TRAF3: variants seen among roughly 807,000 people sequenced by gnomAD.
TRAF3 encodes TNF receptor associated factor 3.
TRAF3 carries 13 observed loss-of-function variants against 62.3 expected under a neutral mutation model. The observed-to-expected ratio is 0.21, with a 90% CI of 0.14 to 0.33. The LOEUF is 0.33. Among genes scored for constraint, TRAF3 ranks in the 10% least tolerant of loss-of-function variants. The pLI is 1.00. For synonymous variants in TRAF3, 269 were observed against 283.4 expected (o/e 0.95, Z 0.51); for missense variants, 440 against 741.8 (o/e 0.59, Z 4.73).
chr14:102,895,983 T>C lies in TRAF3; in HGVS notation c.820-1278T>C, dbSNP rs149549983. On this transcript the variant is annotated intron_variant, in intron 9 of 11. Coordinates refer to ENST00000392745, the MANE Select transcript of TRAF3 (RefSeq NM_145725.3). ...TTTTTGTATTCTCGTCACGCTCTCA[T>C]TATGTTGGCAGAGCTGTTCAAACTG... Among the ~76,000 whole-genome samples, 597 of 152,224 alleles carry C rather than the reference T, an allele frequency of 3.9e-3. 7 individuals carry two copies. The highest frequency in any genetic ancestry group is 0.013 in the African/African-American group (556 of 41,524).
intron 2 of TRAF3, among the ~76,000 whole-genome samples, chr14:102,858,265 C>T (rs1448463817): frequency 1.3e-5 from 2 of 152,112 alleles, no homozygotes; most frequent in Non-Finnish European, 2.9e-5. Flanking sequence ...GATTCTCCTG[C>T]CTCAGCCTCC....
chr14:102,909,825 G>A lies in TRAF3; in HGVS notation c.*4041G>A, dbSNP rs1276714590. Reference sequence around the variant, plus strand: ...TCCCATGGATGTCGACCATGCCAACGTCACATTCCAGCACCCCTTTTGCTT... The same window carrying A: ...TCCCATGGATGTCGACCATGCCAACATCACATTCCAGCACCCCTTTTGCTT... On this transcript the variant is annotated 3_prime_UTR_variant, in exon 12 of 12. Transcript: ENST00000392745. 3 of 152,370 alleles carry A rather than the reference G, an allele frequency of 2.0e-5. No individual in the cohort carries two copies. Among genetic ancestry groups the A allele is most frequent in the South Asian group, 2.1e-4 (1 of 4,830 alleles). 9.4% of individuals were successfully genotyped at this position (152,370 alleles called of 1,614,324 possible). A position where few individuals can be genotyped will look rare whatever the true frequency, so the allele number is the denominator to read the frequency against.
chr14:102,886,352 C>T, intron 7 of TRAF3, 83 bp downstream of exon 7: 1 of 1,238,120 alleles, frequency 8.1e-7, no homozygotes, highest in Non-Finnish European at 1.1e-6. Flanking sequence ...TAGCCGAAGC[C>T]TCACGTTTTC....
At chr14:102,876,913 C>CG (rs1225350092) in intron 6 of TRAF3, among the ~76,000 whole-genome samples, 9 of 147,144 alleles carry the variant, frequency 6.1e-5, no homozygotes, top group Admixed American at 1.4e-4. Context: ...ACAGGCCTTC[C>CG]CTCAACTCAT....
chr14:102,844,811 C>T (rs1420242044), intron 2 of TRAF3, among the ~76,000 whole-genome samples: 2 of 150,824 alleles, frequency 1.3e-5, no homozygotes, highest in Admixed American at 6.6e-5. Flanking sequence ...GAGGCTGAGG[C>T]GGGAGGGTTG....
intron 2 of TRAF3, among the ~76,000 whole-genome samples, chr14:102,869,378 A>G (rs995199562): frequency 2.0e-5 from 3 of 152,226 alleles, no homozygotes; most frequent in African/African-American, 4.8e-5. Context: ...GCGGAAGTCA[A>G]TGAGGAAGGA....
At chr14:102,829,027 C>T (rs1028250226) in intron 1 of TRAF3, among the ~76,000 whole-genome samples, 15 of 152,120 alleles carry the variant, frequency 9.9e-5, no homozygotes, top group Admixed American at 9.2e-4. Flanking sequence ...GTGTGGAGCT[C>T]TGTGTTTATC....
chr14:102,877,074 C>T (rs1888716314), intron 6 of TRAF3, among the ~76,000 whole-genome samples: 1 of 150,640 alleles, frequency 6.6e-6, no homozygotes, highest in Non-Finnish European at 1.5e-5. Flanking sequence ...CATAGATAAT[C>T]CGTTCCACAG....
At chr14:102,804,283 G>C (rs1321777835) in intron 1 of TRAF3, among the ~76,000 whole-genome samples, 2 of 152,068 alleles carry the variant, frequency 1.3e-5, no homozygotes, top group Non-Finnish European at 2.9e-5. Flanking sequence ...ACAATCTTCA[G>C]TTCTCTGGAG....
chr14:102,812,738 T>A (rs1899267640), intron 1 of TRAF3, among the ~76,000 whole-genome samples: 1 of 149,766 alleles, frequency 6.7e-6, no homozygotes, highest in South Asian at 2.1e-4. Context: ...GCTAACACGG[T>A]GAAACCCTGT....
chr14:102,859,386 G>C (rs904761575), intron 2 of TRAF3, among the ~76,000 whole-genome samples: 1 of 152,180 alleles, frequency 6.6e-6, no homozygotes, highest in African/African-American at 2.4e-5. Flanking sequence ...TAGGTATGGA[G>C]CCTAGGACAC....
At chr14:102,825,308 C>T (rs947755990) in intron 1 of TRAF3, among the ~76,000 whole-genome samples, 4 of 152,220 alleles carry the variant, frequency 2.6e-5, no homozygotes, top group Admixed American at 2.0e-4. Context: ...AGGAAGCCAC[C>T]TTCACAGGCC....
At chr14:102,870,494 G>A (rs931459587) in intron 3 of TRAF3, 48 bp downstream of exon 3, 3 of 1,605,340 alleles carry the variant, frequency 1.9e-6, no homozygotes, top group Non-Finnish European at 2.5e-6. Context: ...TCAGCCCTCG[G>A]CCTCACCCTC....
chr14:102,803,752 G>A (rs1005301223), intron 1 of TRAF3, among the ~76,000 whole-genome samples: 5 of 152,076 alleles, frequency 3.3e-5, no homozygotes, highest in African/African-American at 1.2e-4. Context: ...GCTGGTGGCC[G>A]GCTCTGCTCG....
At chr14:102,836,384 T>A (rs1217208078) in intron 2 of TRAF3, among the ~76,000 whole-genome samples, 1 of 152,256 alleles carries the variant, frequency 6.6e-6, no homozygotes, top group Non-Finnish European at 1.5e-5. Flanking sequence ...GAATAGAATA[T>A]TTTATGTTCA....
chr14:102,897,331 G>A lies in TRAF3; in HGVS notation c.890G>A (p.Ser297Asn), dbSNP rs1890056839. The A allele has an allele frequency of 1.9e-6, 3 of 1,613,902 alleles. No individual in the cohort carries two copies. Among genetic ancestry groups the A allele is most frequent in the Non-Finnish European group, 2.5e-6 (3 of 1,179,870 alleles). ...SIQSLHNQICSFEIEIERQKE... is the reference protein window; with the variant it reads ...SIQSLHNQICNFEIEIERQKE... ...CAAAGTTTGCACAATCAGATATGTA[G>A]CTTTGAAATTGAAATTGAGAGACAA... The change falls in exon 10 of 12, where the codon AGC becomes AAC. Residue 297 changes from serine to asparagine, a missense_variant. Physicochemically the swap from Ser to Asn is conservative, Grantham distance 46. Transcript: ENST00000392745.
rs942073660 is a variant in TRAF3 at position 102,906,268 on chromosome 14, T to C, written c.*484T>C. 1 of 157,776 alleles carries C rather than the reference T, an allele frequency of 6.3e-6. No individual in the cohort carries two copies. Among genetic ancestry groups the C allele is most frequent in the Non-Finnish European group, 1.4e-5 (1 of 70,974 alleles). The allele number at this position is 157,776 out of a possible 1,614,324, so 9.8% of individuals were successfully genotyped here. On this transcript the variant is annotated 3_prime_UTR_variant, in exon 12 of 12. Transcript: ENST00000392745. The stretch of plus-strand genomic sequence containing the variant: ...GAGTGCAATTTTGTTTCAAATACAG[T>C]ATATTGTCTATTTTTAAGGCCTCAT...
At chr14:102,872,225 A>G (rs765047225) in intron 4 of TRAF3, among the ~76,000 whole-genome samples, 1 of 152,196 alleles carries the variant, frequency 6.6e-6, no homozygotes, top group Non-Finnish European at 1.5e-5. Context: ...ATCACCTGCT[A>G]AGACCGCAGG....
At chr14:102,830,970 C>A (rs1777963549) in intron 2 of TRAF3, among the ~76,000 whole-genome samples, 1 of 152,224 alleles carries the variant, frequency 6.6e-6, no homozygotes, top group African/African-American at 2.4e-5. Context: ...GTTTGAAATA[C>A]AAATTGATTT....
Sources: gnomAD v4.1 joint callset for allele counts (sites outside exome capture counted in the v4.1 genomes callset) on GRCh38, gnomAD v4.1.1 for gene constraint, MANE v1.5 for transcripts, NCBI Gene and HGNC (gene_info 2026-07-23, HGNC 2026-07-21) for gene names.